TTC27: variants seen among roughly 807,000 people sequenced by gnomAD.
The protein encoded by TTC27 is tetratricopeptide repeat protein 27.
A neutral mutation model predicts 115.9 loss-of-function variants in TTC27; 79 were observed. That is an observed-to-expected ratio of 0.68 (90% CI 0.57 to 0.82). TTC27 has a LOEUF of 0.82. TTC27 is among the 40% of genes least tolerant of loss of function. The pLI, the probability that TTC27 is intolerant of heterozygous loss-of-function variation, is 0.00. For missense variants in TTC27, 1,054 were observed against 993.1 expected, an observed-to-expected ratio of 1.06 and a Z score of -0.82; for synonymous variants, 401 against 356.0, an observed-to-expected ratio of 1.13 and a Z score of -1.42.
intron 4 of TTC27, 66 bp downstream of exon 4, chr2:32,640,476 A>G: frequency 2.0e-6 from 3 of 1,473,676 alleles, no homozygotes; most frequent in Non-Finnish European, 2.8e-6. Flanking sequence ...ACCAGGCTGT[A>G]GATGTGTTGC....
At chr2:32,641,718 G>T (rs1408034551) in intron 4 of TTC27, among the ~76,000 whole-genome samples, 1 of 151,800 alleles carries the variant, frequency 6.6e-6, no homozygotes, top group African/African-American at 2.4e-5. Flanking sequence ...CACTCTTGTT[G>T]CCCAGGCTGG....
At chr2:32,655,199 G>GCACCA (rs1415356166) in intron 5 of TTC27, among the ~76,000 whole-genome samples, 3 of 151,972 alleles carry the variant, frequency 2.0e-5, no homozygotes, top group Non-Finnish European at 4.4e-5. Context: ...CACCATGTTG[G>GCACCA]CCAAGCTGGT....
At position 32,782,558 on chromosome 2, in the gene TTC27, CTTTTGG is replaced by C; in HGVS notation, c.1780-64_1780-59del. ...TATTGGACTAGGAGAGTGTGTTGTA[CTTTTGG>C]TTTAAGCAATAATTTTACCTAAATG... On this transcript the variant is annotated intron_variant, in intron 14 of 19. Transcript: ENST00000317907. The C allele has an allele frequency of 2.1e-6, 3 of 1,415,474 alleles. No individual in the cohort carries two copies. The Admixed American group carries it at 5.3e-5, about 25-fold the overall frequency. 87.7% of individuals were successfully genotyped at this position (1,415,474 alleles called of 1,614,324 possible).
At chr2:32,770,551 G>A (rs777216140) in intron 13 of TTC27, among the ~76,000 whole-genome samples, 2 of 152,158 alleles carry the variant, frequency 1.3e-5, no homozygotes, top group Non-Finnish European at 2.9e-5. Context: ...AGAGCCATCG[G>A]GGCTTTCATC....
intron 4 of TTC27, among the ~76,000 whole-genome samples, chr2:32,647,474 A>G (rs1664907897): frequency 1.3e-5 from 2 of 152,198 alleles, no homozygotes; most frequent in African/African-American, 2.4e-5. Context: ...TTTCTTTGCT[A>G]TTAGATAATT....
intron 11 of TTC27, among the ~76,000 whole-genome samples, chr2:32,735,493 G>T (rs1668424424): frequency 1.3e-5 from 2 of 152,144 alleles, no homozygotes; most frequent in Non-Finnish European, 2.9e-5. Flanking sequence ...ATGCTTATCT[G>T]CCTAGGAAGC....
At chr2:32,745,388 T>C (rs762646086) in intron 12 of TTC27, among the ~76,000 whole-genome samples, 8 of 152,108 alleles carry the variant, frequency 5.3e-5, no homozygotes, top group Non-Finnish European at 1.2e-4. Flanking sequence ...ATTCCACATC[T>C]CTAAAGAACG....
At chr2:32,746,332 C>T (rs1399911381) in intron 12 of TTC27, among the ~76,000 whole-genome samples, 16 of 151,758 alleles carry the variant, frequency 1.1e-4, no homozygotes, top group African/African-American at 2.4e-4. Context: ...GAGGCCGAGA[C>T]GGGTGGATTA....
At chr2:32,750,494 GA>G (rs1251930585) in intron 12 of TTC27, among the ~76,000 whole-genome samples, 1 of 152,164 alleles carries the variant, frequency 6.6e-6, no homozygotes, top group African/African-American at 2.4e-5. Flanking sequence ...GGGATTTTAG[GA>G]AACAGTTTCC....
chr2:32,756,327 G>T (rs902917308), intron 12 of TTC27, among the ~76,000 whole-genome samples: 1 of 152,210 alleles, frequency 6.6e-6, no homozygotes, highest in African/African-American at 2.4e-5. Flanking sequence ...ACAGTTTGTG[G>T]TTGAATACAT....
At position 32,777,936 on chromosome 2, in the gene TTC27, G is replaced by C. The variant is rs770426864; in HGVS notation, c.1735G>C (p.Gly579Arg). ...CTATTTGGCCTTGGAAGACTATCAA[G>C]GTTCAGCAAAGGCATTTCAGCGCTG... ...CAYLALEDYQ[G>R]SAKAFQRCVT... is the part of the protein sequence containing the mutation. The change falls in exon 14 of 20, where the codon GGT becomes CGT. Residue 579 changes from glycine to arginine, a missense_variant. Coordinates refer to ENST00000317907, the MANE Select transcript of TTC27 (RefSeq NM_017735.5). The C allele has an allele frequency of 1.2e-6, 2 of 1,614,032 alleles. No homozygotes were observed. Among genetic ancestry groups the C allele is most frequent in the Admixed American group, 1.7e-5 (1 of 60,008 alleles).
intron 7 of TTC27, among the ~76,000 whole-genome samples, chr2:32,668,711 G>A (rs1448684753): frequency 6.6e-6 from 1 of 151,906 alleles, no homozygotes; most frequent in Admixed American, 6.6e-5. Flanking sequence ...TGTAATACAT[G>A]TTACAGGGTT....
In TTC27 at chr2:32,640,293, T is replaced by C. The variant is rs776040696; in HGVS notation, c.420T>C (p.Val140=). Residue 140 remains valine (V), a synonymous_variant, in exon 4 of 20, where the codon GTT becomes GTC. Coordinates refer to ENST00000317907, the MANE Select transcript of TTC27 (RefSeq NM_017735.5). The part of the protein sequence containing the change: ...FSEVKGLDAF[V]LSLLTLDGES... ...AGGTTAAAGGACTGGATGCATTTGT[T>C]CTGAGCCTGCTCACTCTAGATGGTG... 13 of 1,614,122 alleles carry C rather than the reference T, an allele frequency of 8.1e-6. 1 individual carries two copies. In the South Asian group the frequency reaches 1.4e-4, roughly 18 times the overall value.
chr2:32,680,727 A>G (rs1666390547), intron 9 of TTC27, among the ~76,000 whole-genome samples: 1 of 152,200 alleles, frequency 6.6e-6, no homozygotes, highest in African/African-American at 2.4e-5. Context: ...GGCATATGAC[A>G]GGAAATGTTT....
chr2:32,685,074 A>C (rs1161336888), intron 9 of TTC27, among the ~76,000 whole-genome samples: 1 of 130,210 alleles, frequency 7.7e-6, no homozygotes, highest in African/African-American at 2.9e-5. Flanking sequence ...TCTGTCCCCC[A>C]GGGTGGAGTG....
chr2:32,801,211 C>G (rs577460027), intron 16 of TTC27, among the ~76,000 whole-genome samples: 1 of 152,236 alleles, frequency 6.6e-6, no homozygotes, highest in South Asian at 2.1e-4. Context: ...TTTTCTAGGG[C>G]TACAATAACA....
intron 5 of TTC27, among the ~76,000 whole-genome samples, chr2:32,652,870 C>T (rs7593470): frequency 0.034 from 5,158 of 151,914 alleles, 284 homozygotes; most frequent in African/African-American, 0.12. Context: ...TTCTATGAAA[C>T]ATAGGCAAAG....
At chr2:32,671,070 A>T (rs1665998552) in intron 7 of TTC27, among the ~76,000 whole-genome samples, 1 of 152,152 alleles carries the variant, frequency 6.6e-6, no homozygotes, top group Non-Finnish European at 1.5e-5. Flanking sequence ...GTTTTCAGAG[A>T]ACAGAAGTTT....
At chr2:32,692,947 G>A (rs1666865900) in intron 9 of TTC27, among the ~76,000 whole-genome samples, 2 of 150,746 alleles carry the variant, frequency 1.3e-5, no homozygotes, top group Admixed American at 1.3e-4. Flanking sequence ...CTGTACTCCA[G>A]CCTGGGTAAC....
Sources: allele counts gnomAD v4.1 joint callset (sites outside exome capture counted in the v4.1 genomes callset), GRCh38; gene constraint gnomAD v4.1.1; transcripts MANE v1.5; gene names NCBI Gene and HGNC (gene_info 2026-07-23, HGNC 2026-07-21).